The following FAF1 variants were observed in gnomAD, a reference collection of about 807,000 sequenced individuals.
The protein encoded by FAF1 is FAS-associated factor 1.
A neutral mutation model predicts 92.5 loss-of-function variants in FAF1; 25 were observed. The ratio of observed to expected loss-of-function variants is 0.27; its 90% CI spans 0.20 to 0.38. The LOEUF (loss-of-function observed/expected upper bound fraction) is 0.38. Ranked by LOEUF, FAF1 falls within the 10% of genes least tolerant of loss-of-function variation. The pLI is 1.00. For synonymous variants in FAF1, 234 were observed against 273.2 expected (o/e 0.86, Z 1.42); for missense variants, 636 against 793.3 (o/e 0.80, Z 2.38).
intron 1 of FAF1, among the ~76,000 whole-genome samples, chr1:50,913,559 T>C (rs138724118): frequency 6.6e-6 from 1 of 152,196 alleles, no homozygotes; most frequent in African/African-American, 2.4e-5. Context: ...TACAAAGACT[T>C]GAATTGTTTT....
At chr1:50,595,492 G>A (rs1244322724) in intron 9 of FAF1, among the ~76,000 whole-genome samples, 1 of 152,062 alleles carries the variant, frequency 6.6e-6, no homozygotes, top group Non-Finnish European at 1.5e-5. Context: ...AAGGACTTCC[G>A]GGGTCAATCC....
At chr1:50,524,839 T>A (rs1647708028) in intron 15 of FAF1, among the ~76,000 whole-genome samples, 1 of 152,144 alleles carries the variant, frequency 6.6e-6, no homozygotes, top group African/African-American at 2.4e-5. Flanking sequence ...TCTTTGTTAT[T>A]TTTGCTTAGG....
chr1:50,936,406 G>A (rs780513036), intron 1 of FAF1, among the ~76,000 whole-genome samples: 10 of 152,118 alleles, frequency 6.6e-5, no homozygotes, highest in Admixed American at 2.0e-4. Context: ...GACTTCACAG[G>A]AGATAATAAT....
chr1:50,532,381 T>A (rs1053738693), intron 15 of FAF1, among the ~76,000 whole-genome samples: 4 of 152,182 alleles, frequency 2.6e-5, no homozygotes, highest in African/African-American at 9.6e-5. Flanking sequence ...TATTGTGTAT[T>A]CATATTCTTA....
chr1:50,916,281 G>A (rs141734097), intron 1 of FAF1, among the ~76,000 whole-genome samples: 3 of 152,274 alleles, frequency 2.0e-5, no homozygotes, highest in East Asian at 3.9e-4. Context: ...TCTTCTAGAT[G>A]AGGAAATGAC....
Position 50,676,030 on chromosome 1 carries a change from G to A in FAF1, c.658-20502C>T, listed in dbSNP as rs537417012. Among the ~76,000 whole-genome samples the A allele has an allele frequency of 9.2e-5, 14 of 152,220 alleles. 1 individual carries two copies. In the South Asian group the frequency reaches 2.9e-3, roughly 32 times the overall value. On this transcript the variant is annotated intron_variant, in intron 7 of 18. Coordinates refer to ENST00000396153, the MANE Select transcript of FAF1 (RefSeq NM_007051.3). Reference sequence around the variant, plus strand: ...TTCTTTGTGACTTCAAAAATCAGTGGGTCTTTTTCCTAACATTTCACACTG... The same window carrying A: ...TTCTTTGTGACTTCAAAAATCAGTGAGTCTTTTTCCTAACATTTCACACTG...
chr1:50,889,384 A>G (rs1259739343), intron 1 of FAF1, among the ~76,000 whole-genome samples: 5 of 151,864 alleles, frequency 3.3e-5, no homozygotes, highest in Non-Finnish European at 2.9e-5. Flanking sequence ...CTCTGATCTT[A>G]GTTATTTCTT....
At chr1:50,949,858 A>G (rs1645200491) in intron 1 of FAF1, among the ~76,000 whole-genome samples, 1 of 151,780 alleles carries the variant, frequency 6.6e-6, no homozygotes, top group Non-Finnish European at 1.5e-5. Flanking sequence ...CTCTACACAG[A>G]TTACCATTCT....
chr1:50,868,704 ATGCAGTTTTCCAAACATCTT>A (rs920288515), intron 1 of FAF1, among the ~76,000 whole-genome samples: 2 of 152,218 alleles, frequency 1.3e-5, no homozygotes, highest in Admixed American at 6.5e-5. Context: ...TCCTAAACAC[ATGCAGTTTTCCAAACATCTT>A]TTTGCTGTTG....
At chr1:50,820,035 C>T (rs969055383) in intron 2 of FAF1, among the ~76,000 whole-genome samples, 6 of 151,668 alleles carry the variant, frequency 4.0e-5, no homozygotes, top group Non-Finnish European at 7.4e-5. Context: ...ACGTGCACGG[C>T]ATCCTTTCTC....
intron 8 of FAF1, among the ~76,000 whole-genome samples, chr1:50,619,372 C>T (rs1034435830): frequency 6.6e-6 from 1 of 152,140 alleles, no homozygotes; most frequent in Non-Finnish European, 1.5e-5. Context: ...GTAGTGGTAT[C>T]ATTCTTTTGA....
At position 50,959,892 on chromosome 1, in the gene FAF1, A is replaced by ACCG. The variant is rs532415159; in HGVS notation, c.-84_-82dup. On this transcript the variant is annotated 5_prime_UTR_variant, in exon 1 of 19. Transcript: ENST00000396153. Reference sequence around the variant, plus strand: ...GGCACCTCCTGCGACCGTCGCCGCCACCGCCGCCGCCGCCGCCGGGCGCCG... The same window carrying ACCG: ...GGCACCTCCTGCGACCGTCGCCGCCACCGCCGCCGCCGCCGCCGCCGGGCGCCG... 242 of 911,436 alleles carry ACCG rather than the reference A, an allele frequency of 2.7e-4. No individual in the cohort carries two copies. Among genetic ancestry groups the ACCG allele is most frequent in the African/African-American group, 5.8e-4 (33 of 57,168 alleles). 56.5% of individuals were successfully genotyped at this position (911,436 alleles called of 1,614,324 possible).
chr1:50,846,674 G>T, intron 2 of FAF1: 1 of 561,562 alleles, frequency 1.8e-6, no homozygotes, highest in East Asian at 4.4e-5. Flanking sequence ...GAATTTTTAT[G>T]CACCAACCAC....
At chr1:50,592,802 G>A (rs751621013) in intron 9 of FAF1, among the ~76,000 whole-genome samples, 1 of 152,128 alleles carries the variant, frequency 6.6e-6, no homozygotes, top group Non-Finnish European at 1.5e-5. Flanking sequence ...GCCGGGCATG[G>A]TGGCACATGC....
chr1:50,552,165 T>C (rs1649338070), intron 13 of FAF1, among the ~76,000 whole-genome samples: 1 of 152,030 alleles, frequency 6.6e-6, no homozygotes, highest in South Asian at 2.1e-4. Context: ...GGCATGGTAG[T>C]GTGCGTTTGT....
At position 50,610,298 on chromosome 1, in the gene FAF1, A is replaced by G. The variant is rs116423083; in HGVS notation, c.745-14082T>C. ...AAACCAAACTTTCAAGCATTTTTCT[A>G]ATTGTGGAAGTATCCTTTCCCAAAA... On this transcript the variant is annotated intron_variant, in intron 8 of 18. Coordinates refer to ENST00000396153, the MANE Select transcript of FAF1 (RefSeq NM_007051.3). Among the ~76,000 whole-genome samples the G allele has an allele frequency of 5.5e-3, 837 of 152,322 alleles. 5 individuals are homozygous for G. The highest frequency in any genetic ancestry group is 0.018 in the African/African-American group (767 of 41,574).
chr1:50,551,976 T>G (rs961226348), intron 13 of FAF1, among the ~76,000 whole-genome samples: 1 of 152,208 alleles, frequency 6.6e-6, no homozygotes, highest in African/African-American at 2.4e-5. Flanking sequence ...CTCTGATGAA[T>G]GTAGTTTTAT....
chr1:50,525,386 A>G (rs1647738707), intron 15 of FAF1, among the ~76,000 whole-genome samples: 1 of 152,214 alleles, frequency 6.6e-6, no homozygotes, highest in Non-Finnish European at 1.5e-5. Context: ...CAGAGATACA[A>G]TAGATTCGTA....
At position 50,602,503 on chromosome 1, in the gene FAF1, CT is replaced by C. The variant is rs1424715054; in HGVS notation, c.745-6288del. The stretch of plus-strand genomic sequence containing the variant: ...ATTTATATCCTCATATAAAGTATTG[CT>C]TTTTTTTTTTTTTTTTGAGACAGAG... On this transcript the variant is annotated intron_variant, in intron 8 of 18. Coordinates refer to ENST00000396153, the MANE Select transcript of FAF1 (RefSeq NM_007051.3). 6.2e-3 allele frequency among the ~76,000 whole-genome samples: 842 copies of C among 136,602 alleles called. 2 individuals are homozygous for C. Among genetic ancestry groups the C allele is most frequent in the African/African-American group, 0.014 (504 of 36,980 alleles). The allele number at this position is 136,602 out of a possible 152,430, so 89.6% of individuals were successfully genotyped here.
Sources: gnomAD v4.1 joint callset for allele counts (sites outside exome capture counted in the v4.1 genomes callset) on GRCh38, gnomAD v4.1.1 for gene constraint, MANE v1.5 for transcripts, NCBI Gene and HGNC (gene_info 2026-07-23, HGNC 2026-07-21) for gene names.